Variants in TRPM3 observed in about 807,000 individuals in gnomAD.
TRPM3 encodes transient receptor potential cation channel subfamily M member 3.
In TRPM3, 77 loss-of-function variants were observed where a neutral mutation model predicts 181.2. The ratio of observed to expected loss-of-function variants is 0.42; its 90% CI spans 0.35 to 0.51. TRPM3 has a LOEUF of 0.51. Ranked by LOEUF, TRPM3 falls within the 20% of genes least tolerant of loss-of-function variation. The pLI is 0.01. For missense variants in TRPM3, 1,759 were observed against 2,196.7 expected, an observed-to-expected ratio of 0.80 and a Z score of 3.98; for synonymous variants, 745 against 796.4, an observed-to-expected ratio of 0.94 and a Z score of 1.09.
rs11142817 is a variant in TRPM3 at position 71,412,560 on chromosome 9, A to G, written c.183+34093T>C. ...AAACCACAATGAGATACCATCTCAC[A>G]CCAGTTAGAATGGCAATCATTAAAA... On this transcript the variant is annotated intron_variant, in intron 1 of 24. Transcript: ENST00000357533. Among the ~76,000 whole-genome samples, 11 of 152,336 alleles carry G rather than the reference A, an allele frequency of 7.2e-5. No homozygotes were observed. In the East Asian group the frequency reaches 1.9e-3, roughly 27 times the overall value.
At chr9:71,197,054 T>C (rs562034259) in intron 1 of TRPM3, among the ~76,000 whole-genome samples, 234 of 152,266 alleles carry the variant, frequency 1.5e-3, no homozygotes, top group African/African-American at 4.5e-3. Context: ...CAGAGTGTGA[T>C]GTTCCCCTTC....
intron 1 of TRPM3, among the ~76,000 whole-genome samples, chr9:71,032,014 A>T (rs1409387694): frequency 0.9 from 47,714 of 53,256 alleles, 21,811 homozygotes; most frequent in East Asian, 0.99. Flanking sequence ...TATAATATAT[A>T]ATATATATAT....
chr9:70,910,207 T>C (rs540163013), intron 1 of TRPM3, among the ~76,000 whole-genome samples: 3 of 152,222 alleles, frequency 2.0e-5, no homozygotes, highest in Non-Finnish European at 4.4e-5. Context: ...GAATACTATG[T>C]AGCAGTGAAC....
At chr9:71,378,107 T>C (rs2092709053) in intron 1 of TRPM3, among the ~76,000 whole-genome samples, 1 of 151,972 alleles carries the variant, frequency 6.6e-6, no homozygotes, top group Admixed American at 6.6e-5. Flanking sequence ...AACTCATAGA[T>C]CAAAAGTTTA....
rs551415019 is a variant in TRPM3, at chr9:71,011,198, GT to G, written c.177+109979del. 3.1e-3 allele frequency among the ~76,000 whole-genome samples: 468 copies of G among 152,210 alleles called. 3 individuals carry two copies. Among genetic ancestry groups the G allele is most frequent in the African/African-American group, 0.011 (442 of 41,530 alleles). ...GGGAATGGGAGAGACTGGTTAACAG[GT>G]ACAAGGTTACAAGTTTCTGGTGTTC... On this transcript the variant is annotated intron_variant, in intron 1 of 25. Transcript: ENST00000677713.
intron 1 of TRPM3, among the ~76,000 whole-genome samples, chr9:71,078,493 T>A (rs534886621): frequency 2.0e-5 from 3 of 152,340 alleles, no homozygotes; most frequent in South Asian, 2.1e-4. Flanking sequence ...ATATTTTTCA[T>A]GGAATGCTTT....
chr9:71,296,002 G>C (rs115593723), intron 1 of TRPM3, among the ~76,000 whole-genome samples: 3,458 of 152,186 alleles, frequency 0.023, 52 homozygotes, highest in South Asian at 0.038. Context: ...TAGGGGAGTC[G>C]ATACATTCTC....
At chr9:71,142,010 T>G (rs554278926) in intron 1 of TRPM3, among the ~76,000 whole-genome samples, 2 of 152,200 alleles carry the variant, frequency 1.3e-5, no homozygotes, top group Admixed American at 6.5e-5. Flanking sequence ...CCCGAATGTT[T>G]CCATAAGTAA....
chr9:71,012,605 T>C (rs2097755113), intron 1 of TRPM3, among the ~76,000 whole-genome samples: 1 of 152,026 alleles, frequency 6.6e-6, no homozygotes, highest in Non-Finnish European at 1.5e-5. Context: ...TCTATTTTTG[T>C]GTCTTTTGTG....
chr9:71,166,209 A>G (rs1565295197), intron 1 of TRPM3, among the ~76,000 whole-genome samples: 1 of 152,150 alleles, frequency 6.6e-6, no homozygotes, highest in Non-Finnish European at 1.5e-5. Flanking sequence ...ACTCTGCAGG[A>G]GTCGGCAGCC....
upstream of TRPM3, among the ~76,000 whole-genome samples, chr9:71,126,238 G>A (rs879683210): frequency 9.2e-5 from 14 of 152,128 alleles, no homozygotes; most frequent in Non-Finnish European, 1.6e-4. Flanking sequence ...AACAGATGCT[G>A]GCGAGGCTGT....
Position 70,536,415 on chromosome 9 carries a change from C to G in TRPM3, c.4698G>C (p.Arg1566Ser), listed in dbSNP as rs371292628. The G allele has an allele frequency of 6.2e-7, 1 of 1,614,144 alleles. No individual in the cohort carries two copies. The highest frequency in any genetic ancestry group is 8.5e-7 in the Non-Finnish European group (1 of 1,180,030). The change falls in exon 26 of 26, where the codon AGG becomes AGC. Residue 1566 changes from arginine (R) to serine (S), a missense_variant. By Grantham distance (110) the Arg-to-Ser change is moderately radical. Transcript: ENST00000677713. ...YTSITDCIDTRCVNAPQAIAD... is the reference protein window; with the variant it reads ...YTSITDCIDTSCVNAPQAIAD... ...CAATTGCTTGAGGGGCATTGACACA[C>G]CTTGTGTCAATACAGTCTGTAATAC...
chr9:71,295,404 AT>A (rs2086174563), intron 1 of TRPM3, among the ~76,000 whole-genome samples: 1 of 151,994 alleles, frequency 6.6e-6, no homozygotes, highest in Non-Finnish European at 1.5e-5. Flanking sequence ...ATGATAAAAG[AT>A]TTGTTTTAAA....
intron 1 of TRPM3, among the ~76,000 whole-genome samples, chr9:70,906,845 G>A (rs1398887635): frequency 6.6e-6 from 1 of 152,148 alleles, no homozygotes; most frequent in Non-Finnish European, 1.5e-5. Context: ...AGAGGTGGCA[G>A]TGAGCTGAGA....
intron 1 of TRPM3, among the ~76,000 whole-genome samples, chr9:70,966,435 T>C (rs1035728424): frequency 7.9e-5 from 12 of 152,116 alleles, no homozygotes; most frequent in Non-Finnish European, 1.3e-4. Context: ...TAAAGACACA[T>C]GCATGCTTAT....
chr9:71,251,871 C>T (rs973444100), intron 1 of TRPM3, among the ~76,000 whole-genome samples: 3 of 152,148 alleles, frequency 2.0e-5, no homozygotes, highest in African/African-American at 7.2e-5. Flanking sequence ...TCCTCTCCAC[C>T]TTCTGGTAAC....
chr9:71,285,847 C>T (rs1290650395), intron 1 of TRPM3, among the ~76,000 whole-genome samples: 1 of 152,190 alleles, frequency 6.6e-6, no homozygotes, highest in Non-Finnish European at 1.5e-5. Context: ...TGACCAATCA[C>T]TCTACAGGTG....
intron 1 of TRPM3, among the ~76,000 whole-genome samples, chr9:71,051,516 C>T (rs2060054873): frequency 6.6e-6 from 1 of 152,236 alleles, no homozygotes; most frequent in Admixed American, 6.5e-5. Flanking sequence ...AATCATCCTC[C>T]ACCCATAGCA....
intron 1 of TRPM3, among the ~76,000 whole-genome samples, chr9:71,035,229 A>G (rs902490738): frequency 2.0e-5 from 3 of 152,238 alleles, no homozygotes; most frequent in African/African-American, 7.2e-5. Flanking sequence ...TATAGAGTTT[A>G]GATTGTTAAA....
Sources: allele counts gnomAD v4.1 joint callset (sites outside exome capture counted in the v4.1 genomes callset), GRCh38; gene constraint gnomAD v4.1.1; transcripts MANE v1.5; gene names NCBI Gene and HGNC (gene_info 2026-07-23, HGNC 2026-07-21).